The following DMD variants were observed in gnomAD, a reference collection of about 807,000 sequenced individuals.
DMD encodes dystrophin, also known as mutant dystrophin.
Under a neutral mutation model 330.1 loss-of-function variants are expected in DMD, and 63 were observed. The observed-to-expected ratio is 0.19, with a 90% confidence interval of 0.16 to 0.24. The LOEUF is 0.24. Among genes scored for constraint, DMD ranks in the 10% least tolerant of loss-of-function variants. The pLI is 1.00. For synonymous variants in DMD, 1,223 were observed against 959.8 expected, an observed-to-expected ratio of 1.27 and a Z score of -5.07; for missense variants, 3,344 against 2,684.1, an observed-to-expected ratio of 1.25 and a Z score of -5.43.
intron 43 of DMD, among the ~76,000 whole-genome samples, chrX:32,280,570 T>C (rs1279471994): frequency 1.8e-5 from 2 of 111,110 alleles, no homozygotes; most frequent in Non-Finnish European, 3.8e-5. Context: ...TAATCCTTCG[T>C]GAGTTGTCAG....
chrX:32,720,791 T>A (rs112329676), intron 7 of DMD, among the ~76,000 whole-genome samples: 75 of 111,408 alleles, frequency 6.7e-4, no homozygotes, highest in Middle Eastern at 4.7e-3. Context: ...TATATTTTTT[T>A]AAAAAAGGGT....
chrX:32,596,405 A>G (rs1412587647), intron 12 of DMD, among the ~76,000 whole-genome samples: 2 of 111,403 alleles, frequency 1.8e-5, no homozygotes, highest in African/African-American at 6.5e-5. Flanking sequence ...AAAGGACACC[A>G]TCAACTTTCA....
chrX:33,012,651 G>A (rs1378756175), intron 2 of DMD, among the ~76,000 whole-genome samples: 1 of 111,323 alleles, frequency 9.0e-6, no homozygotes, highest in Admixed American at 9.6e-5. Context: ...CATGCATTCT[G>A]TTTTTCACTT....
chrX:32,563,021 G>T (rs1018417066), intron 16 of DMD, among the ~76,000 whole-genome samples: 11 of 111,277 alleles, frequency 9.9e-5, no homozygotes, highest in Admixed American at 7.7e-4. Context: ...CAATAGGAGC[G>T]TGTAACTGTT....
At chrX:32,472,102 T>A (rs761788019) in intron 22 of DMD, 62 bp downstream of exon 22, 51 of 1,141,060 alleles carry the variant, frequency 4.5e-5, no homozygotes, top group Non-Finnish European at 6.0e-5. Context: ...ATTTAAAGGT[T>A]ATATCAATGT....
chrX:32,158,731 T>A (rs1261174635), intron 44 of DMD, among the ~76,000 whole-genome samples: 2 of 111,848 alleles, frequency 1.8e-5, no homozygotes, highest in Non-Finnish European at 3.8e-5. Context: ...TGCCCTGTCC[T>A]CAGGAAGCTT....
rs898779860 is a variant in DMD, at chrX:31,268,534, C to T, written c.9225-7518G>A. On this transcript the variant is annotated intron_variant, in intron 62 of 78. Transcript: ENST00000357033. ...TGAGTTGTGGAGGCAGCTGCTATTA[C>T]GGTCTGAGGGGGGCACACTAAGATT... Among the ~76,000 whole-genome samples, 5 of 111,528 alleles carry T rather than the reference C, an allele frequency of 4.5e-5. No individual in the cohort carries two copies. In the East Asian group the frequency reaches 8.4e-4, roughly 19 times the overall value.
chrX:31,132,192 T>C (rs1247887230), intron 77 of DMD, among the ~76,000 whole-genome samples: 1 of 112,063 alleles, frequency 8.9e-6, no homozygotes, highest in Admixed American at 9.5e-5. Flanking sequence ...GTGGCCTGAA[T>C]TGAGTTTCCC....
rs761747620 is a variant in DMD, at chrX:31,784,826, A to G, written c.7310-10634T>C. On this transcript the variant is annotated intron_variant, in intron 50 of 78. Transcript: ENST00000357033. Reference sequence around the variant, plus strand: ...ATAACATTTAAAGTATGCTAGACTAAGCAATGATGTTTGGTAGCTTAGGCA... The same window carrying G: ...ATAACATTTAAAGTATGCTAGACTAGGCAATGATGTTTGGTAGCTTAGGCA... Among the ~76,000 whole-genome samples the G allele has an allele frequency of 7.1e-5, 8 of 112,213 alleles. 1 individual carries two copies. The South Asian group carries it at 2.9e-3, about 41-fold the overall frequency.
chrX:32,783,193 T>C (rs1219187295), intron 7 of DMD, among the ~76,000 whole-genome samples: 7 of 101,065 alleles, frequency 6.9e-5, no homozygotes, highest in African/African-American at 1.8e-4. Flanking sequence ...ATACCATATA[T>C]GTATACATAT....
intron 1 of DMD, among the ~76,000 whole-genome samples, chrX:33,268,652 T>C (rs114549301): frequency 0.037 from 4,082 of 111,256 alleles, 186 homozygotes; most frequent in African/African-American, 0.13. Context: ...AAAGGCTGAG[T>C]GCAGTGGCTT....
At chrX:31,860,785 CA>C (rs1176211055) in intron 48 of DMD, among the ~76,000 whole-genome samples, 1 of 112,149 alleles carries the variant, frequency 8.9e-6, no homozygotes, top group African/African-American at 3.2e-5. Flanking sequence ...AGGCTCTTTG[CA>C]AAGACAAACC....
At chrX:31,783,837 A>C (rs770057768) in intron 50 of DMD, among the ~76,000 whole-genome samples, 27 of 111,687 alleles carry the variant, frequency 2.4e-4, no homozygotes, top group Non-Finnish European at 4.7e-4. Context: ...AGTGCAATGT[A>C]AATGCGACAA....
intron 4 of DMD, among the ~76,000 whole-genome samples, chrX:32,836,327 C>G (rs747797404): frequency 5.4e-5 from 6 of 110,655 alleles, no homozygotes; most frequent in Non-Finnish European, 1.1e-4. Context: ...CCACCACGCT[C>G]GGCCTCAACT....
chrX:31,799,583 A>G (rs766071605), intron 50 of DMD, among the ~76,000 whole-genome samples: 10 of 111,015 alleles, frequency 9.0e-5, no homozygotes, highest in Non-Finnish European at 1.9e-4. Flanking sequence ...CAGCCAAAAC[A>G]TATCATTCTG....
intron 7 of DMD, among the ~76,000 whole-genome samples, chrX:32,724,099 T>A (rs963284845): frequency 2.7e-5 from 3 of 112,044 alleles, no homozygotes; most frequent in Non-Finnish European, 5.7e-5. Context: ...AGTTGACAAG[T>A]CAAATATAAT....
At chrX:32,238,431 A>G (rs2097195763) in intron 43 of DMD, among the ~76,000 whole-genome samples, 1 of 105,231 alleles carries the variant, frequency 9.5e-6, no homozygotes, top group Non-Finnish European at 1.9e-5. Flanking sequence ...GTTCCCACAG[A>G]AGAAGCAATG....
At chrX:31,456,292 C>A (rs2066153881) in intron 59 of DMD, among the ~76,000 whole-genome samples, 1 of 112,232 alleles carries the variant, frequency 8.9e-6, no homozygotes, top group African/African-American at 3.2e-5. Flanking sequence ...TTTTAGTTCA[C>A]ATATAGTCAC....
intron 2 of DMD, among the ~76,000 whole-genome samples, chrX:33,018,259 A>G (rs990677566): frequency 1.8e-5 from 2 of 111,944 alleles, no homozygotes; most frequent in Non-Finnish European, 3.8e-5. Context: ...CTGATCAGTT[A>G]TAACAGACTT....
Sources: allele counts gnomAD v4.1 joint callset (sites outside exome capture counted in the v4.1 genomes callset), GRCh38; gene constraint gnomAD v4.1.1; transcripts MANE v1.5; gene names NCBI Gene and HGNC (gene_info 2026-07-23, HGNC 2026-07-21).